The following PLCG2 variants were observed in gnomAD, a reference collection of about 807,000 sequenced individuals.
PLCG2 encodes 1-phosphatidylinositol 4,5-bisphosphate phosphodiesterase gamma-2.
Under a neutral mutation model 175.6 loss-of-function variants are expected in PLCG2, and 69 were observed. That is an observed-to-expected ratio of 0.39 (90% confidence interval 0.32 to 0.48). The LOEUF (loss-of-function observed/expected upper bound fraction) is 0.48. PLCG2 is among the 20% of genes least tolerant of loss of function. PLCG2 has a pLI of 0.91. For synonymous variants in PLCG2, 827 were observed against 624.0 expected (o/e 1.33, Z -4.85); for missense variants, 1,798 against 1,650.9 (o/e 1.09, Z -1.54).
At chr16:81,950,783 A>T (rs1163186314) in intron 31 of PLCG2, among the ~76,000 whole-genome samples, 2 of 152,256 alleles carry the variant, frequency 1.3e-5, no homozygotes, top group Non-Finnish European at 2.9e-5. Flanking sequence ...TAAAACATTT[A>T]TGCCATAGTT....
intron 2 of PLCG2, among the ~76,000 whole-genome samples, chr16:81,825,721 C>T (rs376480930): frequency 4.6e-5 from 7 of 152,232 alleles, no homozygotes; most frequent in East Asian, 3.8e-4. Context: ...CACACTCCCA[C>T]GTAACCATCT....
chr16:81,889,323 T>C, intron 10 of PLCG2, 50 bp downstream of exon 10: 1 of 957,554 alleles, frequency 1.0e-6, no homozygotes, highest in Non-Finnish European at 1.7e-6. Flanking sequence ...TTGATTGATG[T>C]CTGTGCTTTC....
intron 22 of PLCG2, 44 bp downstream of exon 22, chr16:81,923,638 C>A: frequency 1.7e-6 from 2 of 1,160,086 alleles, no homozygotes; most frequent in Non-Finnish European, 2.6e-6. Context: ...GTGGGCTTGA[C>A]TTGTCCCTTC....
chr16:81,946,117 A>C (rs1911138981), intron 30 of PLCG2, 58 bp from the exon 31 acceptor site: 2 of 1,376,208 alleles, frequency 1.5e-6, no homozygotes, highest in East Asian at 2.3e-5. Flanking sequence ...CTCCAAAAAA[A>C]ATCTAAGGTC....
At chr16:81,777,381 C>G (rs1256211095), upstream of PLCG2, among the ~76,000 whole-genome samples, 1 of 137,400 alleles carries the variant, frequency 7.3e-6, no homozygotes, top group Non-Finnish European at 1.5e-5. Context: ...TTATATAACA[C>G]ATACTAAAAC....
chr16:81,823,906 C>A (rs891009253), intron 2 of PLCG2, among the ~76,000 whole-genome samples: 1 of 150,344 alleles, frequency 6.7e-6, no homozygotes, highest in African/African-American at 2.5e-5. Context: ...TCCCTTCCTT[C>A]CTTTCCTTCC....
chr16:81,950,511 A>T (rs557533535), intron 31 of PLCG2, among the ~76,000 whole-genome samples: 1 of 152,358 alleles, frequency 6.6e-6, no homozygotes, highest in African/African-American at 2.4e-5. Context: ...CAAAGACATA[A>T]TATCAAAATA....
At chr16:81,844,289 G>A (rs557663730) in intron 2 of PLCG2, among the ~76,000 whole-genome samples, 25 of 150,582 alleles carry the variant, frequency 1.7e-4, no homozygotes, top group African/African-American at 6.1e-4. Flanking sequence ...CACCGCGCCC[G>A]GGCACCTTTT....
intron 30 of PLCG2, among the ~76,000 whole-genome samples, chr16:81,942,042 C>G (rs779451095): frequency 6.6e-6 from 1 of 152,164 alleles, no homozygotes; most frequent in Non-Finnish European, 1.5e-5. Context: ...GGAAGTGTAG[C>G]TTTTGGTACA....
At chr16:81,830,104 G>A (rs1905201121) in intron 2 of PLCG2, among the ~76,000 whole-genome samples, 2 of 152,132 alleles carry the variant, frequency 1.3e-5, no homozygotes, top group South Asian at 2.1e-4. Context: ...GGGATCACTT[G>A]AGCCCAGGGA....
chr16:81,912,552 C>G (rs756582897), intron 18 of PLCG2, 45 bp from the exon 19 acceptor site: 7 of 1,605,862 alleles, frequency 4.4e-6, no homozygotes, highest in Middle Eastern at 1.7e-4. Flanking sequence ...CACTGACAGC[C>G]TGGAGACCGC....
chr16:81,866,799 C>T (rs753535545), intron 5 of PLCG2, among the ~76,000 whole-genome samples: 1 of 152,234 alleles, frequency 6.6e-6, no homozygotes, highest in Non-Finnish European at 1.5e-5. Flanking sequence ...GGCTCCTCTC[C>T]CCACGACCCC....
intron 12 of PLCG2, 22 bp downstream of exon 12, chr16:81,893,816 G>T (rs761603870): frequency 1.3e-6 from 2 of 1,517,016 alleles, no homozygotes; most frequent in African/African-American, 1.4e-5. Flanking sequence ...CTTCTTGGTG[G>T]AGGTCAGGCT....
intron 7 of PLCG2, among the ~76,000 whole-genome samples, chr16:81,878,101 C>A (rs1295074757): frequency 6.6e-6 from 1 of 151,026 alleles, no homozygotes; most frequent in Non-Finnish European, 1.5e-5. Flanking sequence ...TCTGCCTCAG[C>A]CTCCCGAGTA....
chr16:81,806,730 C>T (rs957553745), intron 2 of PLCG2, among the ~76,000 whole-genome samples: 2 of 151,998 alleles, frequency 1.3e-5, no homozygotes, highest in Non-Finnish European at 2.9e-5. Context: ...CATGGAAGGC[C>T]TCACTGAGAA....
intron 20 of PLCG2, 141 bp from the exon 21 acceptor site, chr16:81,921,057 G>C: frequency 1.7e-6 from 1 of 578,388 alleles, no homozygotes. Context: ...GTCTACTCAT[G>C]GGCCAAAAGA....
At chr16:81,761,881 G>C (rs1330475169) in intron 2 of PLCG2, among the ~76,000 whole-genome samples, 1 of 149,214 alleles carries the variant, frequency 6.7e-6, no homozygotes, top group African/African-American at 2.5e-5. Flanking sequence ...ACCCAGGCTG[G>C]AGTGCAGTGG....
chr16:81,809,682 G>C (rs1304335089), intron 2 of PLCG2, among the ~76,000 whole-genome samples: 1 of 151,700 alleles, frequency 6.6e-6, no homozygotes. Flanking sequence ...TGTTCCCTGC[G>C]GTGTGTGAGC....
At chr16:81,826,718 C>T (rs997143514) in intron 2 of PLCG2, among the ~76,000 whole-genome samples, 2 of 152,098 alleles carry the variant, frequency 1.3e-5, no homozygotes, top group African/African-American at 4.8e-5. Flanking sequence ...TGCTTTTTGA[C>T]GAGTCTACCC....
Sources: allele counts gnomAD v4.1 joint callset (sites outside exome capture counted in the v4.1 genomes callset), GRCh38; gene constraint gnomAD v4.1.1; transcripts MANE v1.5; gene names NCBI Gene and HGNC (gene_info 2026-07-23, HGNC 2026-07-21).